PHLDA1: variants seen among roughly 807,000 people sequenced by gnomAD.
The protein encoded by PHLDA1 is pleckstrin homology like domain family A member 1.
PHLDA1 carries 28 observed loss-of-function variants against 33.8 expected under a neutral mutation model. That is an observed-to-expected ratio of 0.83 (90% CI 0.61 to 1.14). The LOEUF is 1.14. PHLDA1 is among the 50% of genes most tolerant of loss of function. The pLI, the probability that PHLDA1 is intolerant of heterozygous loss-of-function variation, is 0.00. For missense variants in PHLDA1, 595 were observed against 548.6 expected (o/e 1.08, Z -0.84); for synonymous variants, 271 against 243.6 (o/e 1.11, Z -1.05).
rs1026158511 is a variant in PHLDA1 at position 76,030,464 on chromosome 12, T to A, written c.*26+46A>T. Reference sequence around the variant, plus strand: ...AAGCTTCCTACTCCTCCCAACTCACTACCCCCGAGACCCACTCCTCGGGAG... The same window carrying A: ...AAGCTTCCTACTCCTCCCAACTCACAACCCCCGAGACCCACTCCTCGGGAG... On this transcript the variant is annotated intron_variant, in intron 1 of 1. Transcript: ENST00000266671. 15 of 1,484,626 alleles carry A rather than the reference T, an allele frequency of 1.0e-5. No individual in the cohort carries two copies. In the African/African-American group the frequency reaches 2.1e-4, roughly 21 times the overall value. 92.0% of individuals were successfully genotyped at this position (1,484,626 alleles called of 1,614,324 possible).
chr12:76,028,190 A>G (rs1376678112), exon 2 of PHLDA1: 2 of 151,804 alleles, frequency 1.3e-5, no homozygotes, highest in East Asian at 3.9e-4. Flanking sequence ...ATACATACAT[A>G]CACATATATA....
At chr12:76,026,928 TG>T (rs1348313205) in exon 2 of PHLDA1, 1 of 152,248 alleles carries the variant, frequency 6.6e-6, no homozygotes, top group African/African-American at 2.4e-5. Flanking sequence ...TCCCAGATGC[TG>T]GGAAGTTACA....
exon 2 of PHLDA1, chr12:76,027,787 A>G (rs1870807460): frequency 6.6e-6 from 1 of 150,970 alleles, no homozygotes; most frequent in African/African-American, 2.4e-5. Context: ...AAAAGAAACC[A>G]TGATTCCGGT....
At position 76,031,523 on chromosome 12, in the gene PHLDA1, G is replaced by T; in HGVS notation, c.219C>A (p.Ile73=). ...CCCGGCAGAGGGACAGCCGCGTCCT[G>T]ATGCGCCACAAGGTCCCGGAGCTCC... The change falls in exon 1 of 2, where the codon ATC becomes ATA. Residue 73 remains isoleucine (I), a synonymous_variant. Coordinates refer to ENST00000266671, the Ensembl canonical transcript of PHLDA1. The surrounding 1 kb of genome is among the most constrained non-coding windows in gnomAD (Gnocchi z 5.4). The T allele has an allele frequency of 6.5e-7, 1 of 1,526,948 alleles. No homozygotes were observed. Among genetic ancestry groups the T allele is most frequent in the African/African-American group, 1.4e-5 (1 of 70,024 alleles). 94.6% of individuals were successfully genotyped at this position (1,526,948 alleles called of 1,614,324 possible). A position where few individuals can be genotyped will look rare whatever the true frequency, so the allele number is the denominator to read the frequency against.
rs895069140 is a variant in PHLDA1, at chr12:76,031,021, C to A, written c.721G>T (p.Asp241Tyr). The A allele has an allele frequency of 6.2e-6, 10 of 1,613,038 alleles. No individual in the cohort carries two copies. The highest frequency in any genetic ancestry group is 7.6e-6 in the Non-Finnish European group (9 of 1,179,986). Residue 241 changes from aspartate (D) to tyrosine (Y), a missense_variant, in exon 1 of 2, where the codon GAC becomes TAC. Physicochemically the swap from Asp to Tyr is radical, Grantham distance 160. Coordinates refer to ENST00000266671, the Ensembl canonical transcript of PHLDA1. The surrounding 1 kb of genome is among the most constrained non-coding windows in gnomAD (Gnocchi z 5.4). The stretch of plus-strand genomic sequence containing the variant: ...TACTTGCCCTTGCGCTCCACACAGT[C>A]CACGGTCTTCATGTTGGAGAAGTGC...
rs755675202 is a variant in PHLDA1, at chr12:76,031,198, T to A, written c.544A>T (p.Ile182Phe). ...TGGTGTTGCAGCTGCTTGGGCGGGA[T>A]AAGCAGCAGCCCTTCCTCGGTGAGG... is the stretch of plus-strand genomic sequence containing the variant. Residue 182 changes from isoleucine to phenylalanine, a missense_variant, in exon 1 of 2, where the codon ATC becomes TTC. This residue lies in a region of PHLDA1 where 328 missense variants were observed against 295.7 expected (regional missense o/e 1.11). Coordinates refer to ENST00000266671, the Ensembl canonical transcript of PHLDA1. This position sits in a 1 kb window ranked among gnomAD's most constrained non-coding sequence, Gnocchi z 5.4. 1 of 1,613,298 alleles carries A rather than the reference T, an allele frequency of 6.2e-7. No homozygotes were observed. The highest frequency in any genetic ancestry group is 8.5e-7 in the Non-Finnish European group (1 of 1,179,834).
rs557326432 is a variant in PHLDA1 at position 76,030,625 on chromosome 12, G to A, written c.1117C>T (p.His373Tyr). The A allele has an allele frequency of 1.4e-5, 21 of 1,537,618 alleles. No individual in the cohort carries two copies. In the Middle Eastern group the frequency reaches 5.1e-4, roughly 37 times the overall value. The change falls in exon 1 of 2, where the codon CAT becomes TAT. Residue 373 changes from histidine (H) to tyrosine (Y), a missense_variant. Around this residue, in one of 3 missense-constraint regions of PHLDA1, gnomAD observed 328 missense variants for 295.7 expected, o/e 1.11. Coordinates refer to ENST00000266671, the Ensembl canonical transcript of PHLDA1. ...TGTGGGTGCGGTATTTGGTGCGGAT[G>A]CGGGTGCGGGTGAGGGTGTGGGTGC...
chr12:76,027,949 T>A (rs1366281472), exon 2 of PHLDA1: 1 of 151,276 alleles, frequency 6.6e-6, no homozygotes, highest in Non-Finnish European at 1.5e-5. Flanking sequence ...CCTACATCAA[T>A]CTTAATTTGT....
In PHLDA1 at chr12:76,031,201, G is replaced by T; in HGVS notation, c.541C>A (p.Leu181Ile). 6.2e-7 allele frequency: 1 copy of T among 1,613,374 alleles called. No individual in the cohort carries two copies. The highest frequency in any genetic ancestry group is 2.2e-5 in the East Asian group (1 of 44,858). The change falls in exon 1 of 2, where the codon CTT (leucine) becomes ATT (isoleucine). Residue 181 changes from leucine to isoleucine, a missense_variant. By Grantham distance (5) the Leu-to-Ile change is conservative. Around this residue, in one of 3 missense-constraint regions of PHLDA1, gnomAD observed 328 missense variants for 295.7 expected, o/e 1.11. Coordinates refer to ENST00000266671, the Ensembl canonical transcript of PHLDA1. The surrounding 1 kb of genome is among the most constrained non-coding windows in gnomAD (Gnocchi z 5.4). Reference sequence around the variant, plus strand: ...TGTTGCAGCTGCTTGGGCGGGATAAGCAGCAGCCCTTCCTCGGTGAGGATG... The same window carrying T: ...TGTTGCAGCTGCTTGGGCGGGATAATCAGCAGCCCTTCCTCGGTGAGGATG...
rs780581608 is a variant in PHLDA1, at chr12:76,031,439, C to G, written c.303G>C (p.Arg101=). ...CCCAGCGGCTCCCACGGCCGCCTGC[C>G]CGGAGCGCGCAGAGGAGGCTAACAC... The change falls in exon 1 of 2, where the codon CGG becomes CGC. Residue 101 remains arginine (R), a synonymous_variant. Coordinates refer to ENST00000266671, the Ensembl canonical transcript of PHLDA1. The surrounding 1 kb of genome is among the most constrained non-coding windows in gnomAD (Gnocchi z 5.4). 61 of 1,541,968 alleles carry G rather than the reference C, an allele frequency of 4.0e-5. No homozygotes were observed. The African/African-American group carries it at 7.4e-4, about 19-fold the overall frequency.
Position 76,031,647 on chromosome 12 carries a change from C to G in PHLDA1, c.95G>C (p.Arg32Pro), listed in dbSNP as rs565912170. 1.0e-5 allele frequency: 16 copies of G among 1,539,858 alleles called. No homozygotes were observed. The highest frequency in any genetic ancestry group is 1.2e-5 in the Non-Finnish European group (14 of 1,144,316). The change falls in exon 1 of 2, where the codon CGG (arginine) becomes CCG (proline). Residue 32 changes from arginine to proline, a missense_variant. By Grantham distance (103) the Arg-to-Pro change is moderately radical (BLOSUM62 -2). This residue lies in a region of PHLDA1 where 263 missense variants were observed against 232.3 expected (regional missense o/e 1.13). Transcript: ENST00000266671. This position sits in a 1 kb window ranked among gnomAD's most constrained non-coding sequence, Gnocchi z 5.4. ...TTGAATGGGCCATCTTCCCCACCCCCGAGTGACACCCAGCGGAAAAGGCGG... is the reference window on the plus strand; with the variant it reads ...TTGAATGGGCCATCTTCCCCACCCCGGAGTGACACCCAGCGGAAAAGGCGG...
exon 2 of PHLDA1, chr12:76,025,463 ATAACT>A (rs1300866713): frequency 2.0e-5 from 3 of 152,218 alleles, no homozygotes; most frequent in African/African-American, 7.2e-5. Flanking sequence ...GTCTCAATAG[ATAACT>A]TTATTTGAAA....
chr12:76,030,682 G>A, exon 1 of PHLDA1: 1 of 1,194,572 alleles, frequency 8.4e-7, no homozygotes, highest in East Asian at 2.5e-5. Flanking sequence ...TGTGGATGTG[G>A]ATGCGGATAC....
rs764661918 is a variant in PHLDA1 at position 76,031,526 on chromosome 12, G to T, written c.216C>A (p.Arg72=). 2.6e-6 allele frequency: 4 copies of T among 1,528,446 alleles called. No individual in the cohort carries two copies. Among genetic ancestry groups the T allele is most frequent in the Non-Finnish European group, 3.5e-6 (4 of 1,141,054 alleles). 94.7% of individuals were successfully genotyped at this position (1,528,446 alleles called of 1,614,324 possible). Residue 72 remains arginine (R), a synonymous_variant, in exon 1 of 2, where the codon CGC becomes CGA. Transcript: ENST00000266671. The surrounding 1 kb of genome is among the most constrained non-coding windows in gnomAD (Gnocchi z 5.4). ...GGCAGAGGGACAGCCGCGTCCTGATGCGCCACAAGGTCCCGGAGCTCCGAG... is the reference window on the plus strand; with the variant it reads ...GGCAGAGGGACAGCCGCGTCCTGATTCGCCACAAGGTCCCGGAGCTCCGAG...
chr12:76,031,442 G>A lies in PHLDA1; in HGVS notation c.300C>T (p.Leu100=). The A allele has an allele frequency of 6.5e-7, 1 of 1,540,976 alleles. No individual in the cohort carries two copies. Among genetic ancestry groups the A allele is most frequent in the Non-Finnish European group, 8.7e-7 (1 of 1,145,290 alleles). The change falls in exon 1 of 2, where the codon CTC becomes CTT. Residue 100 remains leucine, a synonymous_variant. Transcript: ENST00000266671. This position sits in a 1 kb window ranked among gnomAD's most constrained non-coding sequence, Gnocchi z 5.4. ...AGCGGCTCCCACGGCCGCCTGCCCG[G>A]AGCGCGCAGAGGAGGCTAACACGCA...
At chr12:76,030,757 G>A (rs1000875582) in exon 1 of PHLDA1, 2 of 1,344,466 alleles carry the variant, frequency 1.5e-6, no homozygotes, top group Non-Finnish European at 2.1e-6. Flanking sequence ...TGGGGCTGGG[G>A]TTGCGGCTGA....
At position 76,031,087 on chromosome 12, in the gene PHLDA1, C is replaced by T; in HGVS notation, c.655G>A (p.Ala219Thr). 2 of 1,609,944 alleles carry T rather than the reference C, an allele frequency of 1.2e-6. No homozygotes were observed. The highest frequency in any genetic ancestry group is 1.7e-6 in the Non-Finnish European group (2 of 1,179,914). The change falls in exon 1 of 2, where the codon GCT becomes ACT. Residue 219 changes from alanine to threonine, a missense_variant. Physicochemically the swap from Ala to Thr is moderately conservative, Grantham distance 58 (BLOSUM62 0). This residue lies in a region of PHLDA1 where 328 missense variants were observed against 295.7 expected (regional missense o/e 1.11). Coordinates refer to ENST00000266671, the Ensembl canonical transcript of PHLDA1. The surrounding 1 kb of genome is among the most constrained non-coding windows in gnomAD (Gnocchi z 5.4). The stretch of plus-strand genomic sequence containing the variant: ...ACCGGCGGCTCGAGGCTGGCGACAG[C>T]GGGGCCACTGGGTTGGGACGGCTCG...
exon 1 of PHLDA1, chr12:76,030,910 G>C (rs767618569): frequency 6.2e-7 from 1 of 1,613,878 alleles, no homozygotes. Context: ...ACCATCTGCA[G>C]CGTGATCTCG....
exon 1 of PHLDA1, chr12:76,030,965 G>A: frequency 6.2e-7 from 1 of 1,613,990 alleles, no homozygotes; most frequent in Non-Finnish European, 8.5e-7. Context: ...CGATCTCCTT[G>A]CCCTCTGCCA....
Sources: gnomAD v4.1 joint callset for allele counts on GRCh38, gnomAD v4.1.1 for gene constraint, gnomAD v4.1.1 regional missense constraint, Gnocchi (gnomAD v3.1) non-coding constraint, MANE v1.5 for transcripts, NCBI Gene and HGNC (gene_info 2026-07-23, HGNC 2026-07-21) for gene names.